ADNP2: variants seen among roughly 807,000 people sequenced by gnomAD.
ADNP2 encodes ADNP homeobox 2, also known as activity-dependent neuroprotector homeobox protein 2.
A neutral mutation model predicts 16.4 loss-of-function variants in ADNP2; 8 were observed. The observed-to-expected ratio is 0.49, with a 90% CI of 0.29 to 0.88. ADNP2 has a LOEUF of 0.88. Ranked by LOEUF, ADNP2 falls within the 40% of genes least tolerant of loss-of-function variation. The pLI, the probability that ADNP2 is intolerant of heterozygous loss-of-function variation, is 0.09. For missense variants in ADNP2, 1,397 were observed against 1,395.1 expected, an observed-to-expected ratio of 1.00 and a Z score of -0.02; for synonymous variants, 637 against 545.8, an observed-to-expected ratio of 1.17 and a Z score of -2.33.
chr18:80,123,183 G>A (rs1020967405), intron 2 of ADNP2, among the ~76,000 whole-genome samples: 5 of 152,070 alleles, frequency 3.3e-5, no homozygotes, highest in Admixed American at 2.0e-4. Context: ...TCACTTGGTC[G>A]TGGTGTATAA....
At chr18:80,135,460 A>C in intron 3 of ADNP2, 152 bp from the exon 4 acceptor site, 1 of 747,514 alleles carries the variant, frequency 1.3e-6, no homozygotes, top group Non-Finnish European at 2.1e-6. Context: ...CCCTTCACAG[A>C]AAAAGTTTGC....
At chr18:80,133,797 G>T in intron 3 of ADNP2, 1 of 152,650 alleles carries the variant, frequency 6.6e-6, no homozygotes, top group Non-Finnish European at 1.5e-5. Flanking sequence ...TTGGGAATTT[G>T]GGCTTTAAGG....
intron 2 of ADNP2, among the ~76,000 whole-genome samples, chr18:80,123,972 T>C (rs886633505): frequency 1.3e-5 from 2 of 152,094 alleles, no homozygotes; most frequent in Non-Finnish European, 2.9e-5. Context: ...TCAAATGATT[T>C]ACCCACCTCG....
At chr18:80,116,400 G>T (rs2145192320) in intron 1 of ADNP2, among the ~76,000 whole-genome samples, 1 of 152,202 alleles carries the variant, frequency 6.6e-6, no homozygotes, top group South Asian at 2.1e-4. Flanking sequence ...TGGAATTGCT[G>T]GTTCATATGT....
At chr18:80,130,379 ACTT>A (rs1291977199) in intron 2 of ADNP2, among the ~76,000 whole-genome samples, 2 of 152,182 alleles carry the variant, frequency 1.3e-5, no homozygotes, top group Non-Finnish European at 2.9e-5. Context: ...CTTTATGCTC[ACTT>A]CTTAATACAG....
Position 80,136,130 on chromosome 18 carries a change from A to G in ADNP2, c.717A>G (p.Ile239Met). The G allele has an allele frequency of 2.5e-6, 4 of 1,614,242 alleles. No homozygotes were observed. Among genetic ancestry groups the G allele is most frequent in the Non-Finnish European group, 3.4e-6 (4 of 1,180,026 alleles). The change falls in exon 4 of 4, where the codon ATA (isoleucine) becomes ATG (methionine). Residue 239 changes from isoleucine to methionine, a missense_variant. By Grantham distance (10) the Ile-to-Met change is conservative. Around this residue, in one of 3 missense-constraint regions of ADNP2, gnomAD observed 777 missense variants for 719.4 expected, o/e 1.08. Transcript: ENST00000262198. ...ALMYHILTSD[I>M]HRDLENKLRS... Reference sequence around the variant, plus strand: ...TGTATCACATTTTGACATCAGACATACACAGAGATTTGGAGAATAAGCTTA... The same window carrying G: ...TGTATCACATTTTGACATCAGACATGCACAGAGATTTGGAGAATAAGCTTA...
intron 1 of ADNP2, among the ~76,000 whole-genome samples, chr18:80,113,438 G>A (rs970473508): frequency 1.3e-5 from 2 of 152,012 alleles, no homozygotes; most frequent in African/African-American, 2.4e-5. Context: ...TTTGATTCCA[G>A]TCCACCTTTT....
intron 1 of ADNP2, among the ~76,000 whole-genome samples, chr18:80,116,635 A>ATT (rs545076358): frequency 6.7e-6 from 1 of 150,096 alleles, no homozygotes; most frequent in African/African-American, 2.4e-5. Flanking sequence ...GATGTTGAGC[A>ATT]TTTTTTTTTG....
At chr18:80,130,692 TTCTC>T (rs893369772) in intron 2 of ADNP2, among the ~76,000 whole-genome samples, 2 of 152,118 alleles carry the variant, frequency 1.3e-5, no homozygotes, top group Admixed American at 6.5e-5. Flanking sequence ...GCCTTGTTGT[TTCTC>T]TCTCTCCTGT....
intron 2 of ADNP2, among the ~76,000 whole-genome samples, chr18:80,128,803 CATT>C (rs1308879025): frequency 1.3e-5 from 2 of 151,440 alleles, no homozygotes; most frequent in Admixed American, 6.6e-5. Flanking sequence ...TTAAAGTAAT[CATT>C]GTTATAAAAA....
At chr18:80,114,120 G>A (rs1784984237) in intron 1 of ADNP2, among the ~76,000 whole-genome samples, 1 of 151,224 alleles carries the variant, frequency 6.6e-6, no homozygotes, top group Non-Finnish European at 1.5e-5. Context: ...TTGAGGTTGG[G>A]AGGTTGAGGC....
intron 3 of ADNP2, among the ~76,000 whole-genome samples, chr18:80,134,318 C>T (rs1167492320): frequency 6.6e-6 from 1 of 151,856 alleles, no homozygotes; most frequent in East Asian, 1.9e-4. Context: ...GAGATCACGC[C>T]ACTGCACTCC....
chr18:80,128,510 C>T (rs1422774718), intron 2 of ADNP2, among the ~76,000 whole-genome samples: 2 of 152,044 alleles, frequency 1.3e-5, no homozygotes, highest in Non-Finnish European at 2.9e-5. Context: ...ATTAGCCCGA[C>T]GTGGTGGCAT....
In ADNP2 at chr18:80,138,050, T is replaced by C. The variant is rs781357904; in HGVS notation, c.2637T>C (p.Phe879=). The C allele has an allele frequency of 2.2e-5, 36 of 1,613,824 alleles. No homozygotes were observed. The highest frequency in any genetic ancestry group is 2.8e-5 in the Non-Finnish European group (33 of 1,180,028). The change falls in exon 4 of 4, where the codon TTT becomes TTC. Residue 879 remains phenylalanine, a synonymous_variant. Transcript: ENST00000262198. ...GCAAGCGAGTGTCCACCTGCCCCTT[T>C]TGCTTTGGCCCCTTTGTGACAACTG... is the stretch of plus-strand genomic sequence containing the variant. ...STGKRVSTCP[F]CFGPFVTTEA...
intron 2 of ADNP2, 48 bp downstream of exon 2, chr18:80,117,698 C>T (rs755080714): frequency 6.8e-6 from 10 of 1,466,496 alleles, no homozygotes; most frequent in Non-Finnish European, 8.4e-6. Flanking sequence ...GAGATTTGAA[C>T]TCGGGTTTTT....
chr18:80,117,251 G>A (rs964838298), intron 1 of ADNP2, among the ~76,000 whole-genome samples: 8 of 151,840 alleles, frequency 5.3e-5, no homozygotes, highest in Admixed American at 3.9e-4. Context: ...ATTCCTTGCC[G>A]AATCTAAGGT....
rs2052571940 is a variant in ADNP2, at chr18:80,140,107, A to G, written c.*1298A>G. The G allele has an allele frequency of 6.6e-6, 1 of 152,212 alleles. No individual in the cohort carries two copies. The highest frequency in any genetic ancestry group is 2.1e-4 in the South Asian group (1 of 4,832). 9.4% of individuals were successfully genotyped at this position (152,212 alleles called of 1,614,324 possible). On this transcript the variant is annotated 3_prime_UTR_variant, in exon 4 of 4. Coordinates refer to ENST00000262198, the MANE Select transcript of ADNP2 (RefSeq NM_014913.4). ...GAACCCCTTCACTCTATCTTTAGGT[A>G]GAAATATTTGGAGGATGTGACAGCC...
At chr18:80,125,005 G>C (rs2052448970) in intron 2 of ADNP2, among the ~76,000 whole-genome samples, 1 of 152,168 alleles carries the variant, frequency 6.6e-6, no homozygotes, top group South Asian at 2.1e-4. Flanking sequence ...TCAGGAAATA[G>C]GGATGAAGAC....
At position 80,140,345 on chromosome 18, in the gene ADNP2, A is replaced by C. The variant is rs2052573567; in HGVS notation, c.*1536A>C. The C allele has an allele frequency of 6.6e-6, 1 of 152,600 alleles. No homozygotes were observed. Among genetic ancestry groups the C allele is most frequent in the Non-Finnish European group, 1.5e-5 (1 of 68,042 alleles). The allele number at this position is 152,600 out of a possible 1,614,324, so 9.5% of individuals were successfully genotyped here. A position where few individuals can be genotyped will look rare whatever the true frequency, so the allele number is the denominator to read the frequency against. ...AATTAAAATTTGTTACACCGCTGCAAATAGAACTGTTTAATTCTTTTAAAA... is the reference window on the plus strand; with the variant it reads ...AATTAAAATTTGTTACACCGCTGCACATAGAACTGTTTAATTCTTTTAAAA... On this transcript the variant is annotated 3_prime_UTR_variant, in exon 4 of 4. Transcript: ENST00000262198.
Sources: gnomAD v4.1 joint callset for allele counts (sites outside exome capture counted in the v4.1 genomes callset) on GRCh38, gnomAD v4.1.1 for gene constraint, gnomAD v4.1.1 regional missense constraint, MANE v1.5 for transcripts, NCBI Gene and HGNC (gene_info 2026-07-23, HGNC 2026-07-21) for gene names.